Variants in CTNNA3 observed in about 807,000 individuals in gnomAD.
CTNNA3 encodes the protein catenin alpha-3.
Under a neutral mutation model 95.7 loss-of-function variants are expected in CTNNA3, and 76 were observed. The observed-to-expected ratio is 0.79, with a 90% CI of 0.66 to 0.96. The LOEUF is 0.96. Among genes scored for constraint, CTNNA3 ranks in the 40% least tolerant of loss-of-function variants. The pLI is 0.00. For synonymous variants in CTNNA3, 431 were observed against 374.4 expected, an observed-to-expected ratio of 1.15 and a Z score of -1.74; for missense variants, 1,191 against 1,089.8, an observed-to-expected ratio of 1.09 and a Z score of -1.31.
chr10:66,239,702 G>A (rs1175830297), intron 13 of CTNNA3, among the ~76,000 whole-genome samples: 1 of 151,842 alleles, frequency 6.6e-6, no homozygotes, highest in Non-Finnish European at 1.5e-5. Flanking sequence ...GTTTCAGGTG[G>A]CATTGATACT....
chr10:66,751,732 A>G (rs1405808289), intron 9 of CTNNA3, among the ~76,000 whole-genome samples: 1 of 152,204 alleles, frequency 6.6e-6, no homozygotes, highest in Non-Finnish European at 1.5e-5. Flanking sequence ...TTTCTTACTT[A>G]AATTAGTTTA....
intron 9 of CTNNA3, among the ~76,000 whole-genome samples, chr10:66,682,785 A>G (rs1468496865): frequency 1.3e-5 from 2 of 152,156 alleles, no homozygotes; most frequent in Non-Finnish European, 2.9e-5. Context: ...TAATTATACA[A>G]ACAAAACAAA....
chr10:66,598,459 G>A (rs1843802161), intron 10 of CTNNA3, among the ~76,000 whole-genome samples: 1 of 152,064 alleles, frequency 6.6e-6, no homozygotes, highest in Middle Eastern at 3.4e-3. Context: ...TTGGAAATGA[G>A]GAAGTCAAAT....
At chr10:66,055,694 C>G (rs2080067810) in intron 15 of CTNNA3, among the ~76,000 whole-genome samples, 1 of 151,988 alleles carries the variant, frequency 6.6e-6, no homozygotes, top group Non-Finnish European at 1.5e-5. Context: ...GAGGCCGAGG[C>G]AGGCAGATCA....
chr10:66,643,217 A>G (rs964313846), intron 9 of CTNNA3, among the ~76,000 whole-genome samples: 5 of 152,300 alleles, frequency 3.3e-5, no homozygotes, highest in African/African-American at 7.2e-5. Flanking sequence ...AGGAGTCCAC[A>G]TTATCCTTTA....
chr10:67,497,095 C>A lies in CTNNA3; in HGVS notation c.579+24747G>T, dbSNP rs138105849. ...TATCCCTCCCCTAGGCCCCCACCCA[C>A]TGACAGGCCCTGGTGTGTGATGTTC... On this transcript the variant is annotated intron_variant, in intron 5 of 17. Coordinates refer to ENST00000433211, the MANE Select transcript of CTNNA3 (RefSeq NM_013266.4). 0.031 allele frequency among the ~76,000 whole-genome samples: 4,733 copies of A among 152,194 alleles called. 411 individuals carry two copies. The East Asian group carries it at 0.34, about 11-fold the overall frequency.
At chr10:66,026,215 G>C (rs376159812) in intron 15 of CTNNA3, among the ~76,000 whole-genome samples, 1 of 152,086 alleles carries the variant, frequency 6.6e-6, no homozygotes, top group East Asian at 1.9e-4. Flanking sequence ...CATCTGCTTC[G>C]TATAGGAGAA....
At chr10:66,485,412 A>C (rs915191828) in intron 11 of CTNNA3, among the ~76,000 whole-genome samples, 2 of 152,134 alleles carry the variant, frequency 1.3e-5, no homozygotes, top group African/African-American at 4.8e-5. Flanking sequence ...ATACAAAATC[A>C]ATATACAAAA....
At chr10:67,567,194 CAG>C (rs1415562703) in intron 3 of CTNNA3, among the ~76,000 whole-genome samples, 1 of 149,766 alleles carries the variant, frequency 6.7e-6, no homozygotes, top group African/African-American at 2.5e-5. Flanking sequence ...AAAAAAGAAA[CAG>C]ATGCAACAAC....
chr10:66,110,827 T>C (rs1054102311), intron 13 of CTNNA3, among the ~76,000 whole-genome samples: 3 of 152,174 alleles, frequency 2.0e-5, no homozygotes, highest in Non-Finnish European at 2.9e-5. Flanking sequence ...GCAAGTATCA[T>C]AGAGTATATT....
intron 7 of CTNNA3, among the ~76,000 whole-genome samples, chr10:66,901,863 C>T (rs1845761060): frequency 6.6e-6 from 1 of 152,166 alleles, no homozygotes; most frequent in South Asian, 2.1e-4. Flanking sequence ...TACAGGAGCA[C>T]CCAGATTCAT....
intron 1 of CTNNA3, among the ~76,000 whole-genome samples, chr10:67,759,886 G>A (rs572676723): frequency 5.9e-5 from 9 of 152,084 alleles, no homozygotes; most frequent in Non-Finnish European, 1.3e-4. Flanking sequence ...AGAAGAGGAC[G>A]CCAAACCTCA....
chr10:67,190,091 C>G (rs1356836190), intron 6 of CTNNA3, among the ~76,000 whole-genome samples: 1 of 152,024 alleles, frequency 6.6e-6, no homozygotes, highest in African/African-American at 2.4e-5. Flanking sequence ...CAGAAAATAA[C>G]TTATAAGGAT....
At chr10:66,829,854 T>TTTG (rs59424993) in intron 7 of CTNNA3, among the ~76,000 whole-genome samples, 5,278 of 148,342 alleles carry the variant, frequency 0.036, 224 homozygotes, top group African/African-American at 0.11. Flanking sequence ...CCCCAGGGGA[T>TTTG]TTGTTGTTGT....
At chr10:67,292,712 A>G (rs1024226817) in intron 5 of CTNNA3, among the ~76,000 whole-genome samples, 4 of 152,202 alleles carry the variant, frequency 2.6e-5, no homozygotes, top group Admixed American at 6.5e-5. Context: ...TAATCAGTTA[A>G]TAAAAAGCCA....
chr10:67,702,629 G>T (rs1185319340), intron 1 of CTNNA3, among the ~76,000 whole-genome samples: 1 of 152,226 alleles, frequency 6.6e-6, no homozygotes, highest in African/African-American at 2.4e-5. Flanking sequence ...TCAAAGCAGT[G>T]TGTAGAGGGA....
At chr10:66,841,542 C>T (rs1843066561) in intron 7 of CTNNA3, among the ~76,000 whole-genome samples, 1 of 152,076 alleles carries the variant, frequency 6.6e-6, no homozygotes, top group South Asian at 2.1e-4. Context: ...TCATTGGTTT[C>T]AAATGTCAAG....
intron 1 of CTNNA3, among the ~76,000 whole-genome samples, chr10:67,662,337 TTCTC>T (rs927732943): frequency 6.6e-6 from 1 of 152,194 alleles, no homozygotes; most frequent in African/African-American, 2.4e-5. Context: ...TGCTCACTCA[TTCTC>T]TCTCGCAAAA....
At chr10:66,128,872 T>TTG (rs142136479) in intron 13 of CTNNA3, among the ~76,000 whole-genome samples, 19 of 150,250 alleles carry the variant, frequency 1.3e-4, no homozygotes, top group East Asian at 3.9e-4. Context: ...CTGTGTGAGT[T>TTG]TGTGTGTGTG....
Sources: allele counts gnomAD v4.1 joint callset (sites outside exome capture counted in the v4.1 genomes callset), GRCh38; gene constraint gnomAD v4.1.1; transcripts MANE v1.5; gene names NCBI Gene and HGNC (gene_info 2026-07-23, HGNC 2026-07-21).